SNX27: variants seen among roughly 807,000 people sequenced by gnomAD.
SNX27 encodes the protein sorting nexin-27.
Under a neutral mutation model 71.6 loss-of-function variants are expected in SNX27, and 22 were observed. That is an observed-to-expected ratio of 0.31 (90% CI 0.22 to 0.44). The LOEUF (loss-of-function observed/expected upper bound fraction) is 0.44, where lower values mean the gene tolerates loss of function less well. SNX27 is among the 20% of genes least tolerant of loss of function. The pLI is 1.00. For synonymous variants in SNX27, 269 were observed against 277.2 expected, an observed-to-expected ratio of 0.97 and a Z score of 0.29; for missense variants, 531 against 698.6, an observed-to-expected ratio of 0.76 and a Z score of 2.70.
intron 11 of SNX27, chr1:151,693,708 G>T: frequency 6.2e-7 from 1 of 1,608,058 alleles, no homozygotes. Flanking sequence ...CTTGTCTAGA[G>T]GGTGGACATT....
chr1:151,649,316 C>G (rs1303034265), intron 2 of SNX27, among the ~76,000 whole-genome samples: 2 of 152,040 alleles, frequency 1.3e-5, no homozygotes, highest in Non-Finnish European at 2.9e-5. Flanking sequence ...AAAAAACAAT[C>G]ACTCCATTGT....
chr1:151,658,536 A>T, intron 3 of SNX27, 109 bp downstream of exon 3: 1 of 1,121,550 alleles, frequency 8.9e-7, no homozygotes. Context: ...AATGTAAGTC[A>T]GGTTTCTGAC....
intron 1 of SNX27, among the ~76,000 whole-genome samples, chr1:151,633,513 G>A (rs912975131): frequency 6.6e-6 from 1 of 151,686 alleles, no homozygotes; most frequent in African/African-American, 2.4e-5. Context: ...GCCCAGGCTG[G>A]TCTCAAACTC....
At chr1:151,625,942 T>C (rs1667909698) in intron 1 of SNX27, among the ~76,000 whole-genome samples, 1 of 151,146 alleles carries the variant, frequency 6.6e-6, no homozygotes, top group African/African-American at 2.4e-5. Context: ...AGAGTGAGAC[T>C]GTGTCACCAA....
At chr1:151,617,373 GGT>G (rs1558031782) in intron 1 of SNX27, among the ~76,000 whole-genome samples, 1 of 151,976 alleles carries the variant, frequency 6.6e-6, no homozygotes, top group Non-Finnish European at 1.5e-5. Flanking sequence ...CCGCCTCCCG[GGT>G]TCAAGCAATT....
chr1:151,656,203 G>A (rs1157472052), intron 2 of SNX27, among the ~76,000 whole-genome samples: 2 of 126,782 alleles, frequency 1.6e-5, no homozygotes, highest in Non-Finnish European at 3.1e-5. Flanking sequence ...TAGCCTGGGT[G>A]ACAGAGCGAG....
chr1:151,687,223 C>G (rs1188186935), intron 8 of SNX27, among the ~76,000 whole-genome samples: 2 of 152,100 alleles, frequency 1.3e-5, no homozygotes, highest in African/African-American at 4.8e-5. Context: ...CCTTGTTGAA[C>G]AGATAAATAA....
intron 8 of SNX27, among the ~76,000 whole-genome samples, chr1:151,683,852 A>G (rs961793718): frequency 5.9e-5 from 9 of 152,138 alleles, no homozygotes; most frequent in Non-Finnish European, 7.3e-5. Flanking sequence ...TTTGTAGTAG[A>G]GACAGGGTTT....
At chr1:151,638,434 G>T (rs1201805557) in intron 1 of SNX27, among the ~76,000 whole-genome samples, 1 of 152,176 alleles carries the variant, frequency 6.6e-6, no homozygotes, top group Non-Finnish European at 1.5e-5. Context: ...CAAATTAAGA[G>T]AATTTATTTT....
chr1:151,638,794 C>A, intron 1 of SNX27, 94 bp from the exon 2 acceptor site: 2 of 1,092,744 alleles, frequency 1.8e-6, no homozygotes, highest in Non-Finnish European at 2.8e-6. Flanking sequence ...TGGTTCATAC[C>A]GTGTGACACT....
intron 1 of SNX27, among the ~76,000 whole-genome samples, chr1:151,635,075 A>G (rs774285282): frequency 6.6e-6 from 1 of 152,210 alleles, no homozygotes; most frequent in Non-Finnish European, 1.5e-5. Context: ...AATGAATTTC[A>G]GCTAGATTAT....
Position 151,612,297 on chromosome 1 carries a change from G to T in SNX27, c.96G>T (p.Gly32=). The change falls in exon 1 of 12, where the codon GGG becomes GGT. Residue 32 remains glycine, a synonymous_variant. Coordinates refer to ENST00000458013, the MANE Select transcript of SNX27 (RefSeq NM_001330723.2). This position sits in a 1 kb window ranked among gnomAD's most constrained non-coding sequence, Gnocchi z 5.2. ...GGGGGTCTGGGCTCCACTGCGCCGG[G>T]AACGGCGGCGGGGGAGGCGGCGGCC... The part of the protein sequence containing the change: ...GGGGSGLHCA[G]NGGGGGGGPR... 6.6e-7 allele frequency: 1 copy of T among 1,516,264 alleles called. No homozygotes were observed. Among genetic ancestry groups the T allele is most frequent in the Non-Finnish European group, 8.8e-7 (1 of 1,135,202 alleles). The allele number at this position is 1,516,264 out of a possible 1,614,324, so 93.9% of individuals were successfully genotyped here.
At position 151,612,157 on chromosome 1, in the gene SNX27, C is replaced by T. The variant is rs1667201676; in HGVS notation, c.-45C>T. 2.3e-6 allele frequency: 3 copies of T among 1,302,430 alleles called. No homozygotes were observed. Among genetic ancestry groups the T allele is most frequent in the Non-Finnish European group, 2.9e-6 (3 of 1,024,168 alleles). The allele number at this position is 1,302,430 out of a possible 1,614,324, so 80.7% of individuals were successfully genotyped here. On this transcript the variant is annotated 5_prime_UTR_variant, in exon 1 of 12. Coordinates refer to ENST00000458013, the MANE Select transcript of SNX27 (RefSeq NM_001330723.2). This position sits in a 1 kb window ranked among gnomAD's most constrained non-coding sequence, Gnocchi z 5.2. ...GGCAGGGCGAGCACGCGCCGGGAGG[C>T]CTTGGAGGCGTAGGGGGCGGGGGTA...
intron 3 of SNX27, chr1:151,660,239 A>C (rs1571835606): frequency 7.0e-6 from 1 of 142,330 alleles, no homozygotes; most frequent in Non-Finnish European, 1.5e-5. Flanking sequence ...ACGTCCCCCC[A>C]GTTTTTTTTT....
intron 1 of SNX27, among the ~76,000 whole-genome samples, chr1:151,617,242 A>G (rs1442892112): frequency 2.0e-5 from 3 of 152,102 alleles, no homozygotes; most frequent in African/African-American, 4.8e-5. Flanking sequence ...TGCAGCGTGT[A>G]TAGTGTGTTA....
At chr1:151,665,883 C>A in intron 5 of SNX27, 50 bp from the exon 6 acceptor site, 1 of 1,469,392 alleles carries the variant, frequency 6.8e-7, no homozygotes, top group Non-Finnish European at 9.5e-7. Context: ...TTTCCTACAG[C>A]ATTGTCTGAC....
intron 7 of SNX27, chr1:151,679,733 T>C (rs1670854216): frequency 6.6e-6 from 1 of 152,212 alleles, no homozygotes; most frequent in Non-Finnish European, 1.5e-5. Context: ...TAGTTGTGAA[T>C]AGTGTTTACA....
chr1:151,693,237 C>G (rs1671540056), intron 10 of SNX27, 187 bp from the exon 11 acceptor site: 2 of 915,818 alleles, frequency 2.2e-6, no homozygotes, highest in East Asian at 5.2e-5. Context: ...TCCCACTTGG[C>G]TCGTAGTTAC....
intron 7 of SNX27, among the ~76,000 whole-genome samples, chr1:151,681,886 G>T (rs1309742043): frequency 6.6e-6 from 1 of 152,136 alleles, no homozygotes; most frequent in African/African-American, 2.4e-5. Context: ...TTTTCTCAAA[G>T]TATTTAAGCA....
Sources: allele counts gnomAD v4.1 joint callset (sites outside exome capture counted in the v4.1 genomes callset), GRCh38; gene constraint gnomAD v4.1.1; non-coding constraint Gnocchi (gnomAD v3.1); transcripts MANE v1.5; gene names NCBI Gene and HGNC (gene_info 2026-07-23, HGNC 2026-07-21).